The following UNC5D variants were observed in gnomAD, a reference collection of about 807,000 sequenced individuals.
UNC5D encodes the protein unc-5 netrin receptor D.
Under a neutral mutation model 105.4 loss-of-function variants are expected in UNC5D, and 39 were observed. The observed-to-expected ratio is 0.37, with a 90% CI of 0.29 to 0.48. The LOEUF is 0.48. Among genes scored for constraint, UNC5D ranks in the 20% least tolerant of loss-of-function variants. UNC5D has a pLI of 0.98. For missense variants in UNC5D, 991 were observed against 1,202.4 expected (o/e 0.82, Z 2.60); for synonymous variants, 452 against 450.4 (o/e 1.00, Z -0.04).
At chr8:35,345,659 T>C (rs1374662456) in intron 1 of UNC5D, among the ~76,000 whole-genome samples, 1 of 152,092 alleles carries the variant, frequency 6.6e-6, no homozygotes, top group East Asian at 1.9e-4. Flanking sequence ...TCTGGGACTT[T>C]GCTATAAACT....
chr8:35,544,272 G>A, intron 1 of UNC5D: 1 of 1,145,452 alleles, frequency 8.7e-7, no homozygotes, highest in Non-Finnish European at 1.2e-6. Flanking sequence ...CTGAACAGCT[G>A]ATGGCATTAG....
chr8:35,333,345 T>C (rs1395057003), intron 1 of UNC5D, among the ~76,000 whole-genome samples: 1 of 152,102 alleles, frequency 6.6e-6, no homozygotes, highest in Non-Finnish European at 1.5e-5. Context: ...AAAGAAATTA[T>C]ATATAAGCTT....
intron 16 of UNC5D, among the ~76,000 whole-genome samples, chr8:35,786,051 C>A (rs6997157): frequency 5.9e-5 from 9 of 152,234 alleles, no homozygotes; most frequent in African/African-American, 1.9e-4. Context: ...TCACTTACTG[C>A]GACCTTCTAG....
intron 4 of UNC5D, among the ~76,000 whole-genome samples, chr8:35,606,056 C>T (rs376805521): frequency 1.2e-4 from 18 of 150,810 alleles, no homozygotes; most frequent in African/African-American, 3.4e-4. Flanking sequence ...GGTGTGATCT[C>T]GGCTCACTGC....
chr8:35,238,378 G>T (rs187182038), intron 1 of UNC5D, among the ~76,000 whole-genome samples: 64 of 152,304 alleles, frequency 4.2e-4, no homozygotes, highest in African/African-American at 1.5e-3. Flanking sequence ...AGTGGCCCAA[G>T]AAGCAATGTT....
chr8:35,774,188 A>C (rs1802133335), intron 15 of UNC5D, 111 bp from the exon 16 acceptor site: 1 of 1,207,002 alleles, frequency 8.3e-7, no homozygotes, highest in Non-Finnish European at 1.2e-6. Context: ...CCATCACAAC[A>C]GGCAAGCATT....
rs182363106 is a variant in UNC5D at position 35,372,382 on chromosome 8, C to T, written c.103+136495C>T. 3.7e-3 allele frequency among the ~76,000 whole-genome samples: 570 copies of T among 152,168 alleles called. 4 individuals carry two copies. The highest frequency in any genetic ancestry group is 0.013 in the African/African-American group (558 of 41,524). ...CAAGCAATCCACCCACCTTGGCCTC[C>T]CAAAGTGCTGGGATTACAGGCATGA... On this transcript the variant is annotated intron_variant, in intron 1 of 16. Coordinates refer to ENST00000404895, the MANE Select transcript of UNC5D (RefSeq NM_080872.4).
chr8:35,601,144 G>C (rs1441180842), intron 4 of UNC5D, among the ~76,000 whole-genome samples: 1 of 152,076 alleles, frequency 6.6e-6, no homozygotes, highest in African/African-American at 2.4e-5. Context: ...GCTCCGTTCT[G>C]TTCCATTGTT....
intron 4 of UNC5D, among the ~76,000 whole-genome samples, chr8:35,620,861 CA>C: frequency 6.6e-6 from 1 of 152,128 alleles, no homozygotes; most frequent in Non-Finnish European, 1.5e-5. Flanking sequence ...GTCTTCTTTC[CA>C]CCTTCTAGTC....
chr8:35,619,039 T>G (rs1821194385), intron 4 of UNC5D, among the ~76,000 whole-genome samples: 3 of 152,310 alleles, frequency 2.0e-5, no homozygotes, highest in Middle Eastern at 6.8e-3. Context: ...TCAATTTATT[T>G]AATAAATGCT....
chr8:35,302,399 T>C (rs936883395), intron 1 of UNC5D, among the ~76,000 whole-genome samples: 16 of 152,214 alleles, frequency 1.1e-4, no homozygotes, highest in Admixed American at 9.8e-4. Flanking sequence ...AATGACCTTA[T>C]CACCAAATGA....
chr8:35,763,177 AAG>A (rs1205610210), intron 14 of UNC5D, among the ~76,000 whole-genome samples: 4 of 143,304 alleles, frequency 2.8e-5, no homozygotes, highest in African/African-American at 1.2e-4. Context: ...GCTGCTACTC[AAG>A]TCAACAATAA....
intron 3 of UNC5D, among the ~76,000 whole-genome samples, chr8:35,592,147 A>G (rs550470657): frequency 1.3e-5 from 2 of 152,294 alleles, no homozygotes; most frequent in African/African-American, 4.8e-5. Flanking sequence ...ATTTATTTAT[A>G]TATTTCTAAA....
chr8:35,673,830 G>A (rs944520347), intron 4 of UNC5D, among the ~76,000 whole-genome samples: 2 of 152,254 alleles, frequency 1.3e-5, no homozygotes, highest in Non-Finnish European at 2.9e-5. Context: ...TCCAGTTGAC[G>A]TAGATCCAGT....
chr8:35,675,260 C>T (rs1190314846), intron 4 of UNC5D, among the ~76,000 whole-genome samples: 5 of 152,084 alleles, frequency 3.3e-5, no homozygotes, highest in South Asian at 2.1e-4. Context: ...TACCTCTATC[C>T]GTAAAATACA....
intron 1 of UNC5D, among the ~76,000 whole-genome samples, chr8:35,504,794 T>C (rs1445845597): frequency 6.6e-6 from 1 of 152,114 alleles, no homozygotes; most frequent in Non-Finnish European, 1.5e-5. Flanking sequence ...GAGTTCCGCA[T>C]CTGTTCATGG....
At chr8:35,743,525 C>A (rs539623791) in intron 11 of UNC5D, among the ~76,000 whole-genome samples, 3 of 151,732 alleles carry the variant, frequency 2.0e-5, no homozygotes, top group Non-Finnish European at 4.4e-5. Flanking sequence ...TGATCCCCCC[C>A]ACCTCAGCCT....
intron 1 of UNC5D, among the ~76,000 whole-genome samples, chr8:35,380,097 G>GGT (rs1403312750): frequency 1.3e-5 from 1 of 77,644 alleles, no homozygotes; most frequent in Non-Finnish European, 2.5e-5. Context: ...TGGGGGGGGG[G>GGT]TCGGGGAGAG....
intron 1 of UNC5D, among the ~76,000 whole-genome samples, chr8:35,418,559 G>T (rs1400452717): frequency 1.3e-5 from 2 of 152,116 alleles, no homozygotes; most frequent in Non-Finnish European, 2.9e-5. Flanking sequence ...TTAGCATTTT[G>T]CTGTTTAGTC....
Sources: allele counts gnomAD v4.1 joint callset (sites outside exome capture counted in the v4.1 genomes callset), GRCh38; gene constraint gnomAD v4.1.1; transcripts MANE v1.5; gene names NCBI Gene and HGNC (gene_info 2026-07-23, HGNC 2026-07-21).